The following UNC79 variants were observed in gnomAD, a reference collection of about 807,000 sequenced individuals.
UNC79 encodes the protein unc-79 subunit of NALCN channel complex.
Under a neutral mutation model 283.1 loss-of-function variants are expected in UNC79, and 37 were observed. That is an observed-to-expected ratio of 0.13 (90% CI 0.10 to 0.17). The LOEUF (loss-of-function observed/expected upper bound fraction) is 0.17. Among genes scored for constraint, UNC79 ranks in the 10% least tolerant of loss-of-function variants. UNC79 has a pLI of 1.00. For missense variants in UNC79, 2,272 were observed against 3,211.1 expected (o/e 0.71, Z 7.07); for synonymous variants, 1,107 against 1,200.2 (o/e 0.92, Z 1.61).
At chr14:93,629,086 C>G (rs1005167400) in intron 30 of UNC79, among the ~76,000 whole-genome samples, 1 of 152,100 alleles carries the variant, frequency 6.6e-6, no homozygotes, top group Admixed American at 6.5e-5. Flanking sequence ...GTAATCCCAG[C>G]TACTCAGAAG....
chr14:93,483,496 C>T (rs2058245503), intron 4 of UNC79, among the ~76,000 whole-genome samples: 1 of 148,636 alleles, frequency 6.7e-6, no homozygotes, highest in African/African-American at 2.5e-5. Flanking sequence ...CATCTAGGAT[C>T]CATAAGGACA....
chr14:93,544,253 G>A (rs1047102008), intron 14 of UNC79, among the ~76,000 whole-genome samples: 40 of 152,156 alleles, frequency 2.6e-4, no homozygotes, highest in African/African-American at 9.7e-4. Flanking sequence ...GAGATCTCAA[G>A]GATAAATTAC....
In UNC79 at chr14:93,690,398, C is replaced by A; in HGVS notation, c.7272+95C>A. 1 of 1,391,238 alleles carries A rather than the reference C, an allele frequency of 7.2e-7. No individual in the cohort carries two copies. Among genetic ancestry groups the A allele is most frequent in the Non-Finnish European group, 9.8e-7 (1 of 1,025,342 alleles). The allele number at this position is 1,391,238 out of a possible 1,614,324, so 86.2% of individuals were successfully genotyped here. A position where few individuals can be genotyped will look rare whatever the true frequency, so the allele number is the denominator to read the frequency against. ...TGTTTCTTCTGAGAAGAAAATACAT[C>A]TTATCATTTGCCCTCCTGTGGATGT... On this transcript the variant is annotated intron_variant, in intron 45 of 48. Coordinates refer to ENST00000555664, the Ensembl canonical transcript of UNC79. The surrounding 1 kb of genome is among the most constrained non-coding windows in gnomAD (Gnocchi z 4.3).
intron 1 of UNC79, among the ~76,000 whole-genome samples, chr14:93,455,451 C>A (rs2056768255): frequency 6.6e-6 from 1 of 152,090 alleles, no homozygotes; most frequent in Non-Finnish European, 1.5e-5. Flanking sequence ...GTACCACATG[C>A]AGCAATAGAG....
chr14:93,603,552 T>C (rs1167440628), intron 26 of UNC79, 134 bp downstream of exon 26: 32 of 1,103,818 alleles, frequency 2.9e-5, no homozygotes, highest in African/African-American at 4.7e-5. Context: ...GGCTTTCAGA[T>C]TCCCTAGAGA....
intron 6 of UNC79, 104 bp downstream of exon 6, chr14:93,496,570 C>T (rs191598123): frequency 2.3e-5 from 16 of 682,762 alleles, no homozygotes; most frequent in East Asian, 1.5e-4. Flanking sequence ...AATTTATTGA[C>T]GTCCTATTAT....
upstream of UNC79, among the ~76,000 whole-genome samples, chr14:93,427,367 G>A (rs2055754489): frequency 6.6e-6 from 1 of 152,090 alleles, no homozygotes; most frequent in Admixed American, 6.6e-5. Context: ...ATGGAATGTT[G>A]AGCATAAAGT....
intron 38 of UNC79, among the ~76,000 whole-genome samples, chr14:93,656,584 G>A (rs1429437457): frequency 6.6e-6 from 1 of 152,134 alleles, no homozygotes; most frequent in African/African-American, 2.4e-5. Flanking sequence ...AGCCCAGGAG[G>A]TTGAGACTGC....
At chr14:93,518,287 G>GT (rs572023550) in intron 7 of UNC79, among the ~76,000 whole-genome samples, 60 of 151,604 alleles carry the variant, frequency 4.0e-4, no homozygotes, top group South Asian at 2.1e-3. Context: ...ATAGTTATGG[G>GT]TTTTTTTTAC....
At chr14:93,404,249 T>C (rs946455527) in intron 1 of UNC79, among the ~76,000 whole-genome samples, 1 of 151,272 alleles carries the variant, frequency 6.6e-6, no homozygotes, top group African/African-American at 2.4e-5. Context: ...GGTTTTAGAA[T>C]TTGTTAAAAA....
intron 34 of UNC79, 82 bp from the exon 38 acceptor site, chr14:93,646,526 C>A (rs191451091): frequency 7.1e-7 from 1 of 1,414,876 alleles, no homozygotes; most frequent in East Asian, 2.3e-5. Context: ...ACTGGAAACA[C>A]AACAGGTCCT....
At chr14:93,502,523 C>T (rs981166746) in intron 7 of UNC79, among the ~76,000 whole-genome samples, 35 of 152,044 alleles carry the variant, frequency 2.3e-4, no homozygotes, top group African/African-American at 5.3e-4. Flanking sequence ...AAAATTGTAA[C>T]TTAAGTTTCT....
At chr14:93,463,813 A>T (rs1474665569) in intron 1 of UNC79, among the ~76,000 whole-genome samples, 3 of 152,152 alleles carry the variant, frequency 2.0e-5, no homozygotes, top group African/African-American at 7.2e-5. Flanking sequence ...CTTAAGTCAG[A>T]ACTGTTTGAT....
Position 93,600,870 on chromosome 14 carries a change from G to A in UNC79, c.3574+100G>A, listed in dbSNP as rs1170148249. The A allele has an allele frequency of 3.7e-6, 5 of 1,353,244 alleles. No homozygotes were observed. The African/African-American group carries it at 7.2e-5, about 20-fold the overall frequency. 83.8% of individuals were successfully genotyped at this position (1,353,244 alleles called of 1,614,324 possible). A position where few individuals can be genotyped will look rare whatever the true frequency, so the allele number is the denominator to read the frequency against. On this transcript the variant is annotated intron_variant, in intron 25 of 48. Coordinates refer to ENST00000555664, the Ensembl canonical transcript of UNC79. ...GCATGTCGTTTAATTCCTCTACAGA[G>A]GATGCCTTGACCTCATGCACTCAAT... is the stretch of plus-strand genomic sequence containing the variant.
intron 31 of UNC79, among the ~76,000 whole-genome samples, chr14:93,635,579 C>T (rs911612287): frequency 1.3e-5 from 2 of 152,116 alleles, no homozygotes; most frequent in Non-Finnish European, 2.9e-5. Flanking sequence ...TTATTTTCTT[C>T]AAAGCCATAG....
chr14:93,386,916 A>G (rs1301725056), intron 1 of UNC79, among the ~76,000 whole-genome samples: 28 of 83,586 alleles, frequency 3.3e-4, no homozygotes, highest in Non-Finnish European at 4.8e-4. Flanking sequence ...TTTCAATTTC[A>G]TGTATTTCTG....
rs576783494 is a variant in UNC79, at chr14:93,378,588, A to G, written c.-351+45065A>G. Among the ~76,000 whole-genome samples the G allele has an allele frequency of 3.2e-4, 48 of 152,346 alleles. 1 individual carries two copies. In the South Asian group the frequency reaches 8.5e-3, roughly 27 times the overall value. On this transcript the variant is annotated intron_variant, in intron 1 of 49. Coordinates refer to the UNC79 transcript ENST00000256339. ...TTCATTTATGTTTCATATGAACCAT[A>G]TACAGATAGCCTGAAGGTAATTCTA...
intron 7 of UNC79, among the ~76,000 whole-genome samples, chr14:93,504,498 C>CT (rs140192821): frequency 0.03 from 4,481 of 151,798 alleles, 233 homozygotes; most frequent in African/African-American, 0.1. Flanking sequence ...TTTATTTAGG[C>CT]TTTTTTAAGT....
At chr14:93,598,205 C>T (rs919509605) in intron 24 of UNC79, among the ~76,000 whole-genome samples, 6 of 151,884 alleles carry the variant, frequency 4.0e-5, no homozygotes, top group Non-Finnish European at 8.8e-5. Flanking sequence ...TGCCCAGGCT[C>T]GTCTTGAACT....
Sources: gnomAD v4.1 joint callset for allele counts (sites outside exome capture counted in the v4.1 genomes callset) on GRCh38, gnomAD v4.1.1 for gene constraint, Gnocchi (gnomAD v3.1) non-coding constraint, MANE v1.5 for transcripts, NCBI Gene and HGNC (gene_info 2026-07-23, HGNC 2026-07-21) for gene names.